Variants in ITGA8 observed in about 807,000 individuals in gnomAD.
ITGA8 encodes the protein integrin alpha-8.
ITGA8 carries 91 observed loss-of-function variants against 142.3 expected under a neutral mutation model. The observed-to-expected ratio is 0.64, with a 90% CI of 0.54 to 0.76. ITGA8 has a LOEUF of 0.76. ITGA8 is among the 30% of genes least tolerant of loss of function. The probability of loss-of-function intolerance (pLI) is 0.00; values close to 1 mark genes in which losing one functional copy is unlikely to be tolerated. For synonymous variants in ITGA8, 505 were observed against 485.2 expected (o/e 1.04, Z -0.54); for missense variants, 1,406 against 1,327.7 (o/e 1.06, Z -0.92).
intron 8 of ITGA8, among the ~76,000 whole-genome samples, chr10:15,661,778 A>AG (rs1834292019): frequency 6.6e-6 from 1 of 152,220 alleles, no homozygotes; most frequent in Admixed American, 6.5e-5. Flanking sequence ...CTACAGCAGT[A>AG]GGAGGGCAGG....
At chr10:15,610,671 T>C (rs2131613651) in intron 15 of ITGA8, among the ~76,000 whole-genome samples, 1 of 152,326 alleles carries the variant, frequency 6.6e-6, no homozygotes, top group South Asian at 2.1e-4. Context: ...GCGTTGTGAC[T>C]GTGCTCACAG....
intron 13 of ITGA8, among the ~76,000 whole-genome samples, chr10:15,626,120 G>T (rs1833576908): frequency 6.6e-6 from 1 of 152,192 alleles, no homozygotes; most frequent in African/African-American, 2.4e-5. Context: ...TTGTATAAAT[G>T]TCACACCTGG....
chr10:15,595,911 G>A (rs536147041), intron 21 of ITGA8, among the ~76,000 whole-genome samples: 2 of 152,230 alleles, frequency 1.3e-5, no homozygotes, highest in East Asian at 1.9e-4. Context: ...AATTAGCCGG[G>A]CATGTTGGCA....
chr10:15,701,479 T>G (rs866760807), intron 2 of ITGA8, among the ~76,000 whole-genome samples: 7 of 151,842 alleles, frequency 4.6e-5, no homozygotes, highest in African/African-American at 1.5e-4. Context: ...AATTGGCAGC[T>G]TTTGGTTCTT....
At chr10:15,604,922 A>G (rs1002438127) in intron 19 of ITGA8, among the ~76,000 whole-genome samples, 1 of 152,328 alleles carries the variant, frequency 6.6e-6, no homozygotes, top group South Asian at 2.1e-4. Context: ...TTTTGAAGAC[A>G]TGCAGTTCAC....
chr10:15,651,660 C>T (rs7089517), intron 11 of ITGA8, among the ~76,000 whole-genome samples: 33,781 of 151,766 alleles, frequency 0.22, 3,948 homozygotes, highest in Admixed American at 0.32. Context: ...ATGTACTTAA[C>T]TATCTCCAGC....
chr10:15,627,568 G>C (rs1299780611), intron 13 of ITGA8, among the ~76,000 whole-genome samples: 1 of 152,216 alleles, frequency 6.6e-6, no homozygotes, highest in African/African-American at 2.4e-5. Flanking sequence ...TTGCAAACAG[G>C]AAGGACAAAA....
chr10:15,566,846 C>T (rs1195993481), intron 25 of ITGA8, among the ~76,000 whole-genome samples: 10 of 122,532 alleles, frequency 8.2e-5, no homozygotes, highest in Non-Finnish European at 1.6e-4. Context: ...GGTGCAGTGG[C>T]TCACTCCTGT....
intron 2 of ITGA8, among the ~76,000 whole-genome samples, chr10:15,715,893 A>G (rs1420940791): frequency 6.6e-6 from 1 of 152,222 alleles, no homozygotes; most frequent in African/African-American, 2.4e-5. Context: ...CAGATGAGGT[A>G]TAGAGGGTGA....
intron 5 of ITGA8, 49 bp from the exon 6 acceptor site, chr10:15,677,686 A>C: frequency 6.5e-7 from 1 of 1,543,076 alleles, no homozygotes; most frequent in Non-Finnish European, 8.9e-7. Context: ...AAGAAATACT[A>C]AACATTTTTA....
At chr10:15,559,266 A>C (rs1468432768) in intron 25 of ITGA8, among the ~76,000 whole-genome samples, 2 of 152,094 alleles carry the variant, frequency 1.3e-5, no homozygotes, top group African/African-American at 2.4e-5. Flanking sequence ...AAGGTCCTTC[A>C]CTCCAGCATG....
At position 15,661,104 on chromosome 10, in the gene ITGA8, C is replaced by T. The variant is rs1004173584; in HGVS notation, c.848-182G>A. On this transcript the variant is annotated intron_variant, in intron 8 of 29. Coordinates refer to ENST00000378076, the MANE Select transcript of ITGA8 (RefSeq NM_003638.3). Reference sequence around the variant, plus strand: ...TGTCTGTGGCCTGTTGGGAGCCCGGCCACACACACAGTAGGAGGTGAGCCT... The same window carrying T: ...TGTCTGTGGCCTGTTGGGAGCCCGGTCACACACACAGTAGGAGGTGAGCCT... Among the ~76,000 whole-genome samples, 5 of 152,152 alleles carry T rather than the reference C, an allele frequency of 3.3e-5. No homozygotes were observed. The East Asian group carries it at 5.8e-4, about 18-fold the overall frequency.
chr10:15,638,674 G>T (rs1833815328), intron 13 of ITGA8, among the ~76,000 whole-genome samples: 1 of 152,130 alleles, frequency 6.6e-6, no homozygotes, highest in South Asian at 2.1e-4. Context: ...AGTTTGACTT[G>T]TTTCCATTTA....
At chr10:15,693,710 G>T (rs75927115) in intron 2 of ITGA8, among the ~76,000 whole-genome samples, 1 of 152,042 alleles carries the variant, frequency 6.6e-6, no homozygotes, top group Non-Finnish European at 1.5e-5. Flanking sequence ...TTGCAGTTTC[G>T]ATTTCTTCTA....
At chr10:15,657,100 A>T (rs1192103716) in intron 10 of ITGA8, among the ~76,000 whole-genome samples, 1 of 152,212 alleles carries the variant, frequency 6.6e-6, no homozygotes, top group African/African-American at 2.4e-5. Flanking sequence ...TACTCAGAGG[A>T]ATTTCATCAT....
At chr10:15,532,256 A>G (rs992852502) in intron 27 of ITGA8, among the ~76,000 whole-genome samples, 3 of 151,774 alleles carry the variant, frequency 2.0e-5, no homozygotes, top group Admixed American at 1.3e-4. Context: ...TGTCTCTACT[A>G]AAAATACAAA....
chr10:15,612,203 A>C (rs947691994), intron 15 of ITGA8, among the ~76,000 whole-genome samples: 1 of 151,896 alleles, frequency 6.6e-6, no homozygotes, highest in African/African-American at 2.4e-5. Flanking sequence ...CTCCCGCCAC[A>C]CTCCCCAGCT....
At chr10:15,680,837 C>T (rs1391293568) in intron 4 of ITGA8, among the ~76,000 whole-genome samples, 1 of 150,596 alleles carries the variant, frequency 6.6e-6, no homozygotes, top group Non-Finnish European at 1.5e-5. Context: ...TTGTAAGTGG[C>T]AATTATAATA....
intron 13 of ITGA8, among the ~76,000 whole-genome samples, chr10:15,624,563 G>A (rs1224677831): frequency 6.6e-6 from 1 of 152,108 alleles, no homozygotes; most frequent in African/African-American, 2.4e-5. Context: ...CACCAGACTG[G>A]ACTTCTTCCC....
Sources: gnomAD v4.1 joint callset for allele counts (sites outside exome capture counted in the v4.1 genomes callset) on GRCh38, gnomAD v4.1.1 for gene constraint, MANE v1.5 for transcripts, NCBI Gene and HGNC (gene_info 2026-07-23, HGNC 2026-07-21) for gene names.